LAMC3: variants seen among roughly 807,000 people sequenced by gnomAD.
LAMC3 encodes laminin subunit gamma-3.
LAMC3 carries 128 observed loss-of-function variants against 173.8 expected under a neutral mutation model. The ratio of observed to expected loss-of-function variants is 0.74; its 90% CI spans 0.64 to 0.85. LAMC3 has a LOEUF of 0.85. Ranked by LOEUF, LAMC3 falls within the 40% of genes least tolerant of loss-of-function variation. LAMC3 has a pLI of 0.00. For missense variants in LAMC3, 2,022 were observed against 2,156.0 expected, an observed-to-expected ratio of 0.94 and a Z score of 1.23; for synonymous variants, 897 against 909.1, an observed-to-expected ratio of 0.99 and a Z score of 0.24.
intron 2 of LAMC3, among the ~76,000 whole-genome samples, chr9:131,030,668 A>G (rs1283197146): frequency 6.6e-6 from 1 of 152,182 alleles, no homozygotes; most frequent in Non-Finnish European, 1.5e-5. Context: ...TAACCATACA[A>G]TATGTGTCAG....
At chr9:131,047,165 CTTT>C (rs398012456) in intron 8 of LAMC3, among the ~76,000 whole-genome samples, 5 of 102,162 alleles carry the variant, frequency 4.9e-5, no homozygotes, top group African/African-American at 7.5e-5. Flanking sequence ...CTGAATTCCT[CTTT>C]TTTTTTTTTT....
rs1833717542 is a variant in LAMC3, at chr9:131,026,406, C to T, written c.495C>T (p.Ala165=). 6.2e-7 allele frequency: 1 copy of T among 1,613,978 alleles called. No individual in the cohort carries two copies. The highest frequency in any genetic ancestry group is 1.3e-5 in the African/African-American group (1 of 74,956). ...GGGAGCCCTACCAGTTCTACAGCGC[C>T]TCCTGCCAGAAGACCTACGGCCGGC... The part of the protein sequence containing the change: ...GPWEPYQFYS[A]SCQKTYGRPE... Residue 165 remains alanine (A), a synonymous_variant, in exon 2 of 28, where the codon GCC becomes GCT. Coordinates refer to ENST00000361069, the MANE Select transcript of LAMC3 (RefSeq NM_006059.4). The surrounding 1 kb of genome is among the most constrained non-coding windows in gnomAD (Gnocchi z 4.8).
At chr9:131,070,451 G>A (rs766824873) in intron 17 of LAMC3, among the ~76,000 whole-genome samples, 2 of 152,208 alleles carry the variant, frequency 1.3e-5, no homozygotes, top group East Asian at 1.9e-4. Flanking sequence ...TGTGGCTCAC[G>A]CCTGTAATCC....
At chr9:131,013,917 C>T (rs17147402) in intron 1 of LAMC3, among the ~76,000 whole-genome samples, 2,304 of 152,350 alleles carry the variant, frequency 0.015, 60 homozygotes, top group African/African-American at 0.053. Context: ...GTCGAGTGGG[C>T]GGCTGCGATT....
chr9:131,090,309 G>A (rs1478187978), intron 27 of LAMC3, among the ~76,000 whole-genome samples: 1 of 152,196 alleles, frequency 6.6e-6, no homozygotes, highest in Admixed American at 6.5e-5. Context: ...CTTGTGCTTG[G>A]CCTGGGGATG....
chr9:131,033,169 C>G (rs1406274433), intron 3 of LAMC3, among the ~76,000 whole-genome samples: 1 of 152,246 alleles, frequency 6.6e-6, no homozygotes, highest in Non-Finnish European at 1.5e-5. Context: ...CCTCAAGTCC[C>G]AAGGCCTGTC....
In LAMC3 at chr9:131,009,428, G is replaced by A. The variant is rs1341822474; in HGVS notation, c.214G>A (p.Ala72Thr). 1.6e-5 allele frequency: 24 copies of A among 1,543,768 alleles called. No individual in the cohort carries two copies. Among genetic ancestry groups the A allele is most frequent in the Non-Finnish European group, 1.7e-5 (20 of 1,145,770 alleles). Reference sequence around the variant, plus strand: ...CCACGTGGGCGCCGCGGGCGCGGGGGCTCATTGCCAGCGCTGCGACGCCGC... The same window carrying A: ...CCACGTGGGCGCCGCGGGCGCGGGGACTCATTGCCAGCGCTGCGACGCCGC... ...CPHVGAAGAG[A>T]HCQRCDAADP... The change falls in exon 1 of 28, where the codon GCT becomes ACT. Residue 72 changes from alanine to threonine, a missense_variant. Ala to Thr is a moderately conservative substitution (Grantham distance 58). Coordinates refer to ENST00000361069, the MANE Select transcript of LAMC3 (RefSeq NM_006059.4). This position sits in a 1 kb window ranked among gnomAD's most constrained non-coding sequence, Gnocchi z 4.3.
rs1360797726 is a variant in LAMC3 at position 131,038,966 on chromosome 9, C to T, written c.1079C>T (p.Ala360Val). The T allele has an allele frequency of 9.3e-6, 15 of 1,613,322 alleles. No homozygotes were observed. Among genetic ancestry groups the T allele is most frequent in the Non-Finnish European group, 1.3e-5 (15 of 1,179,980 alleles). ...GRCHHCRDHT[A>V]GPHCERCQEN... ...TGTCACCACTGCCGTGACCACACAG[C>T]TGGGCCACACTGTGAGCGCTGTCAG... The change falls in exon 5 of 28, where the codon GCT (alanine) becomes GTT (valine). Residue 360 changes from alanine (A) to valine (V), a missense_variant. Transcript: ENST00000361069.
At chr9:131,028,353 A>G (rs73658908) in intron 2 of LAMC3, among the ~76,000 whole-genome samples, 4,022 of 152,286 alleles carry the variant, frequency 0.026, 143 homozygotes, top group African/African-American at 0.088. Context: ...TTCAGACCCA[A>G]GACGTGTCCA....
At chr9:131,048,391 C>A (rs1054003022) in intron 8 of LAMC3, among the ~76,000 whole-genome samples, 1 of 152,148 alleles carries the variant, frequency 6.6e-6, no homozygotes, top group Non-Finnish European at 1.5e-5. Context: ...CTGCAAACTT[C>A]TCTTCATGTT....
intron 18 of LAMC3, among the ~76,000 whole-genome samples, chr9:131,071,894 G>A (rs1470969855): frequency 6.6e-6 from 1 of 152,230 alleles, no homozygotes; most frequent in African/African-American, 2.4e-5. Context: ...CTGCTTCAGA[G>A]GCTGGACTGG....
chr9:131,045,376 T>C, intron 7 of LAMC3, 148 bp from the exon 8 acceptor site: 1 of 819,004 alleles, frequency 1.2e-6, no homozygotes, highest in Non-Finnish European at 2.0e-6. Flanking sequence ...GTAATGTTCT[T>C]ACTACTCTTC....
At chr9:131,010,108 C>G (rs907918749) in intron 1 of LAMC3, among the ~76,000 whole-genome samples, 2 of 141,358 alleles carry the variant, frequency 1.4e-5, no homozygotes, top group African/African-American at 5.5e-5. Context: ...GAGCCGAGGT[C>G]GCACCACCGT....
At chr9:131,072,879 A>AT (rs1268778775) in intron 19 of LAMC3, 44 bp downstream of exon 19, 2 of 1,554,744 alleles carry the variant, frequency 1.3e-6, no homozygotes, top group Non-Finnish European at 8.8e-7. Context: ...AAACCTGGGC[A>AT]TTGGTCCCTG....
chr9:131,039,871 T>G (rs1834015806), intron 6 of LAMC3, among the ~76,000 whole-genome samples: 2 of 151,690 alleles, frequency 1.3e-5, no homozygotes, highest in South Asian at 4.2e-4. Context: ...TGGTACCTAG[T>G]GGGACAGCTG....
rs1830147227 is a variant in LAMC3 at position 131,077,308 on chromosome 9, G to C, written c.3751G>C (p.Ala1251Pro). 1 of 1,613,864 alleles carries C rather than the reference G, an allele frequency of 6.2e-7. No homozygotes were observed. Among genetic ancestry groups the C allele is most frequent in the Non-Finnish European group, 8.5e-7 (1 of 1,180,050 alleles). Residue 1251 changes from alanine to proline, a missense_variant, in exon 22 of 28, where the codon GCC becomes CCC. Ala to Pro is a conservative substitution (Grantham distance 27). Coordinates refer to ENST00000361069, the MANE Select transcript of LAMC3 (RefSeq NM_006059.4). ...QVGADTAPYLALLASPGALPQ... is the reference protein window; with the variant it reads ...QVGADTAPYLPLLASPGALPQ... The stretch of plus-strand genomic sequence containing the variant: ...TGGCGCAGATACAGCCCCGTACCTG[G>C]CCTTGCTGGCTTCCCCGGGAGCTCT...
At chr9:131,072,947 T>C in intron 19 of LAMC3, 112 bp downstream of exon 19, 1 of 966,762 alleles carries the variant, frequency 1.0e-6, no homozygotes, top group South Asian at 1.4e-5. Context: ...TTGGGAGGCT[T>C]AATTTCATCT....
chr9:131,079,914 T>C (rs1266104790), intron 23 of LAMC3, among the ~76,000 whole-genome samples: 1 of 152,188 alleles, frequency 6.6e-6, no homozygotes. Context: ...AGTTCATTCA[T>C]GGCTCATTTG....
intron 24 of LAMC3, among the ~76,000 whole-genome samples, chr9:131,084,955 A>G (rs78608937): frequency 2.2e-4 from 33 of 151,968 alleles, no homozygotes; most frequent in Middle Eastern, 6.8e-3. Flanking sequence ...AAAAAAAAAA[A>G]AGAGAATTGT....
Sources: allele counts gnomAD v4.1 joint callset (sites outside exome capture counted in the v4.1 genomes callset), GRCh38; gene constraint gnomAD v4.1.1; non-coding constraint Gnocchi (gnomAD v3.1); transcripts MANE v1.5; gene names NCBI Gene and HGNC (gene_info 2026-07-23, HGNC 2026-07-21).